GPHN: variants seen among roughly 807,000 people sequenced by gnomAD.
GPHN encodes gephyrin.
GPHN carries 17 observed loss-of-function variants against 95.5 expected under a neutral mutation model. The observed-to-expected ratio is 0.18, with a 90% CI of 0.12 to 0.27. The LOEUF is 0.27. GPHN is among the 10% of genes least tolerant of loss of function. The pLI, the probability that GPHN is intolerant of heterozygous loss-of-function variation, is 1.00. For synonymous variants in GPHN, 320 were observed against 322.5 expected, an observed-to-expected ratio of 0.99 and a Z score of 0.08; for missense variants, 660 against 978.1, an observed-to-expected ratio of 0.67 and a Z score of 4.34.
the GPHN span, among the ~76,000 whole-genome samples, chr14:67,431,391 CA>C: frequency 6.1e-4 from 47 of 77,480 alleles, no homozygotes; most frequent in Non-Finnish European, 9.6e-4. Context: ...GACTCTGTCT[CA>C]AAAAAAAAAA....
the GPHN span, among the ~76,000 whole-genome samples, chr14:67,386,765 C>T: frequency 1.3e-5 from 2 of 152,208 alleles, no homozygotes; most frequent in African/African-American, 4.8e-5. Context: ...GAGTCCATGA[C>T]TTCTGTAATG....
intron 9 of GPHN, among the ~76,000 whole-genome samples, chr14:67,020,906 T>C (rs1467535463): frequency 6.6e-6 from 1 of 152,034 alleles, no homozygotes; most frequent in African/African-American, 2.4e-5. Context: ...TTCCTTTTTT[T>C]CCCATAGAGT....
intron 1 of GPHN, among the ~76,000 whole-genome samples, chr14:66,520,892 C>A (rs1470286655): frequency 1.3e-5 from 2 of 151,904 alleles, no homozygotes; most frequent in Non-Finnish European, 2.9e-5. Flanking sequence ...CAGTGTCTGT[C>A]GTTCCCTTCT....
chr14:67,323,232 C>CATGTGTGTATGTGTGTGT, the GPHN span, among the ~76,000 whole-genome samples: 1,452 of 143,600 alleles, frequency 0.01, 14 homozygotes, highest in Non-Finnish European at 0.015. Context: ...CATATATACA[C>CATGTGTGTATGTGTGTGT]GTGTGTGTGT....
At chr14:67,125,686 G>A (rs1307039296) in intron 17 of GPHN, among the ~76,000 whole-genome samples, 1 of 151,874 alleles carries the variant, frequency 6.6e-6, no homozygotes, top group Admixed American at 6.6e-5. Flanking sequence ...CTGAGGCAGG[G>A]GAATCGCTTG....
At chr14:66,779,884 G>A (rs2059542796) in intron 3 of GPHN, among the ~76,000 whole-genome samples, 1 of 152,074 alleles carries the variant, frequency 6.6e-6, no homozygotes, top group South Asian at 2.1e-4. Flanking sequence ...TTACTGTGGT[G>A]AATGAGAAAA....
the GPHN span, among the ~76,000 whole-genome samples, chr14:67,524,946 G>A: frequency 6.6e-6 from 1 of 152,198 alleles, no homozygotes; most frequent in Admixed American, 6.5e-5. Context: ...TGAGGAATGG[G>A]TGGTTATGGG....
At chr14:67,551,468 A>G in the GPHN span, among the ~76,000 whole-genome samples, 1 of 152,074 alleles carries the variant, frequency 6.6e-6, no homozygotes, top group African/African-American at 2.4e-5. Context: ...TTATATATAT[A>G]TATTTTTTAC....
intron 4 of GPHN, among the ~76,000 whole-genome samples, chr14:66,842,034 C>CA (rs2062112550): frequency 6.6e-6 from 1 of 151,874 alleles, no homozygotes; most frequent in African/African-American, 2.4e-5. Context: ...GCCTGGGTGA[C>CA]AGAGTAAGAC....
the GPHN span, chr14:67,619,950 G>C: frequency 1.7e-5 from 26 of 1,508,818 alleles, no homozygotes; most frequent in South Asian, 1.9e-4. Context: ...CGGAGCCTCT[G>C]CCTTGGAGAT....
At chr14:67,653,631 TG>T in the GPHN span, 1 of 726,530 alleles carries the variant, frequency 1.4e-6, no homozygotes, top group Non-Finnish European at 2.3e-6. Flanking sequence ...ATTTAAATGA[TG>T]GCCTTTGAGT....
chr14:67,166,138 A>G (rs74056493), intron 20 of GPHN, among the ~76,000 whole-genome samples: 1 of 152,354 alleles, frequency 6.6e-6, no homozygotes, highest in African/African-American at 2.4e-5. Flanking sequence ...GCAGGCAGAA[A>G]AATGTTAAAC....
chr14:66,617,238 T>C (rs1374487039), intron 1 of GPHN, among the ~76,000 whole-genome samples: 1 of 152,220 alleles, frequency 6.6e-6, no homozygotes, highest in Non-Finnish European at 1.5e-5. Context: ...GCTGTGGTGC[T>C]GGTTGCCCCT....
At chr14:67,193,393 A>G in the GPHN span, among the ~76,000 whole-genome samples, 3 of 140,978 alleles carry the variant, frequency 2.1e-5, no homozygotes, top group Non-Finnish European at 4.6e-5. Flanking sequence ...ATATCTAGAT[A>G]TATCTAGATA....
chr14:66,881,634 A>G (rs1001012518), intron 5 of GPHN, among the ~76,000 whole-genome samples: 3 of 151,914 alleles, frequency 2.0e-5, no homozygotes, highest in African/African-American at 4.8e-5. Context: ...AACTGTTAAG[A>G]TAATTCTTCA....
chr14:67,131,094 G>A (rs1334406885), intron 17 of GPHN, among the ~76,000 whole-genome samples: 1 of 152,132 alleles, frequency 6.6e-6, no homozygotes, highest in Non-Finnish European at 1.5e-5. Context: ...ACAAAGAAAT[G>A]TAGATGGGTA....
At chr14:67,342,038 C>T in the GPHN span, among the ~76,000 whole-genome samples, 2 of 152,008 alleles carry the variant, frequency 1.3e-5, no homozygotes, top group Non-Finnish European at 2.9e-5. Flanking sequence ...CCCACGGACA[C>T]AAACACTGCG....
chr14:66,789,194 A>T (rs2153470150), intron 3 of GPHN, among the ~76,000 whole-genome samples: 1 of 152,326 alleles, frequency 6.6e-6, no homozygotes, highest in East Asian at 1.9e-4. Flanking sequence ...CAATTTGTTC[A>T]AACCTTCATC....
the GPHN span, chr14:67,333,773 C>T: frequency 6.6e-6 from 1 of 152,520 alleles, no homozygotes; most frequent in Admixed American, 6.6e-5. Context: ...ATGTATGTTA[C>T]ATTTTTATGA....
Sources: gnomAD v4.1 joint callset for allele counts (sites outside exome capture counted in the v4.1 genomes callset) on GRCh38, gnomAD v4.1.1 for gene constraint, MANE v1.5 for transcripts, NCBI Gene and HGNC (gene_info 2026-07-23, HGNC 2026-07-21) for gene names.